The following FER1L6 variants were observed in gnomAD, a reference collection of about 807,000 sequenced individuals.
The protein encoded by FER1L6 is fer-1-like protein 6.
Under a neutral mutation model 219.2 loss-of-function variants are expected in FER1L6, and 177 were observed. The observed-to-expected ratio is 0.81, with a 90% CI of 0.71 to 0.91. The LOEUF (loss-of-function observed/expected upper bound fraction) is 0.91. Ranked by LOEUF, FER1L6 falls within the 40% of genes least tolerant of loss-of-function variation. The probability of loss-of-function intolerance (pLI) is 0.00; values close to 1 mark genes in which losing one functional copy is unlikely to be tolerated. For synonymous variants in FER1L6, 768 were observed against 824.3 expected (o/e 0.93, Z 1.17); for missense variants, 2,153 against 2,259.9 (o/e 0.95, Z 0.96).
At chr8:124,004,725 G>A (rs759448111) in intron 13 of FER1L6, among the ~76,000 whole-genome samples, 10 of 152,000 alleles carry the variant, frequency 6.6e-5, no homozygotes, top group South Asian at 2.1e-4. Flanking sequence ...TTGGTCAGGC[G>A]AGGTGGCTCA....
intron 33 of FER1L6, among the ~76,000 whole-genome samples, chr8:124,083,633 CTG>C (rs2130918905): frequency 6.6e-6 from 1 of 152,162 alleles, no homozygotes; most frequent in African/African-American, 2.4e-5. Context: ...ATTTATGTGT[CTG>C]TTGTTGTGCC....
At chr8:124,014,697 C>T (rs1818098593) in intron 15 of FER1L6, among the ~76,000 whole-genome samples, 1 of 152,072 alleles carries the variant, frequency 6.6e-6, no homozygotes, top group Admixed American at 6.6e-5. Context: ...AATTTTTATA[C>T]AACATATTGA....
intron 1 of FER1L6, among the ~76,000 whole-genome samples, chr8:123,877,281 C>T (rs1817020377): frequency 6.6e-6 from 1 of 152,170 alleles, no homozygotes; most frequent in South Asian, 2.1e-4. Flanking sequence ...TTTTGTTCAC[C>T]ACCACAGTTT....
chr8:123,871,947 A>T (rs1033254000), intron 1 of FER1L6, among the ~76,000 whole-genome samples: 6 of 152,194 alleles, frequency 3.9e-5, no homozygotes, highest in Non-Finnish European at 5.9e-5. Flanking sequence ...TTGCATTGCT[A>T]TAAAGAAATA....
At chr8:123,898,724 TATATATAGTATATATAC>T (rs1302964728) in intron 1 of FER1L6, among the ~76,000 whole-genome samples, 3 of 144,834 alleles carry the variant, frequency 2.1e-5, no homozygotes, top group Non-Finnish European at 3.0e-5. Flanking sequence ...CGTATATGTG[TATATATAGTATATATAC>T]ATATATACTA....
chr8:123,899,504 C>T (rs1812821000), intron 1 of FER1L6, among the ~76,000 whole-genome samples: 1 of 152,156 alleles, frequency 6.6e-6, no homozygotes, highest in African/African-American at 2.4e-5. Flanking sequence ...CATGCAAAAG[C>T]TCTTTAATTT....
intron 34 of FER1L6, among the ~76,000 whole-genome samples, chr8:124,092,323 G>GTGTT (rs1174259968): frequency 1.3e-5 from 2 of 151,966 alleles, no homozygotes; most frequent in African/African-American, 2.4e-5. Context: ...ATATTTTTGT[G>GTGTT]TGTTTCTGAT....
chr8:124,073,603 A>AT (rs1411840001), intron 31 of FER1L6, among the ~76,000 whole-genome samples: 3 of 152,172 alleles, frequency 2.0e-5, no homozygotes, highest in Admixed American at 6.5e-5. Flanking sequence ...TAGGTTGGCC[A>AT]TTTTTTTCTA....
At position 124,023,222 on chromosome 8, in the gene FER1L6, A is replaced by C. The variant is rs1311020114; in HGVS notation, c.2134-222A>C. On this transcript the variant is annotated intron_variant, in intron 17 of 40. Transcript: ENST00000522917. The stretch of plus-strand genomic sequence containing the variant: ...GAGCCACTGCCGCCCAGCTGTATGC[A>C]CTTTTAACTCATGACCTAAGTAAGG... Among the ~76,000 whole-genome samples the C allele has an allele frequency of 2.6e-5, 4 of 152,160 alleles. No individual in the cohort carries two copies. In the East Asian group the frequency reaches 7.7e-4, roughly 29 times the overall value.
At chr8:124,040,878 C>G (rs573499543) in intron 20 of FER1L6, 2 of 152,308 alleles carry the variant, frequency 1.3e-5, no homozygotes, top group South Asian at 4.1e-4. Flanking sequence ...TCTTAAAGGT[C>G]CCGCCTCTCA....
intron 20 of FER1L6, 137 bp downstream of exon 20, chr8:124,040,143 G>T: frequency 8.9e-7 from 1 of 1,128,462 alleles, no homozygotes; most frequent in Non-Finnish European, 1.3e-6. Context: ...AGACTGAAAA[G>T]CGAATATGTG....
At position 124,063,500 on chromosome 8, in the gene FER1L6, A is replaced by G. The variant is rs539912905; in HGVS notation, c.3329-847A>G. 2.0e-5 allele frequency among the ~76,000 whole-genome samples: 3 copies of G among 152,334 alleles called. No homozygotes were observed. The South Asian group carries it at 6.2e-4, about 32-fold the overall frequency. ...GATTCAGCTGCAGTTTTCTCCACAT[A>G]GAGCACCGTTTTCCCCCAAAGGGTC... On this transcript the variant is annotated intron_variant, in intron 25 of 40. Coordinates refer to ENST00000522917, the MANE Select transcript of FER1L6 (RefSeq NM_001039112.2).
At chr8:123,873,191 T>G (rs1816952062) in intron 1 of FER1L6, among the ~76,000 whole-genome samples, 1 of 152,188 alleles carries the variant, frequency 6.6e-6, no homozygotes, top group Non-Finnish European at 1.5e-5. Context: ...CTGACCCCTG[T>G]TGATGTCAGT....
In FER1L6 at chr8:123,952,761, A is replaced by C. The variant is rs571809238; in HGVS notation, c.-7-3231A>C. On this transcript the variant is annotated intron_variant, in intron 1 of 40. Transcript: ENST00000522917. Reference sequence around the variant, plus strand: ...ATCTTCCTCGTGGTATGCTGTGGGGATCCTAGGAGATAATGTGTATAAAAT... The same window carrying C: ...ATCTTCCTCGTGGTATGCTGTGGGGCTCCTAGGAGATAATGTGTATAAAAT... Among the ~76,000 whole-genome samples the C allele has an allele frequency of 9.2e-5, 14 of 152,178 alleles. No homozygotes were observed. In the East Asian group the frequency reaches 2.7e-3, roughly 29 times the overall value.
chr8:123,988,799 A>AT (rs1286276171), intron 12 of FER1L6, among the ~76,000 whole-genome samples: 1 of 152,150 alleles, frequency 6.6e-6, no homozygotes, highest in African/African-American at 2.4e-5. Flanking sequence ...TTCATTTCCT[A>AT]TTTGGATGCC....
chr8:123,908,113 G>T (rs762868009), intron 1 of FER1L6, among the ~76,000 whole-genome samples: 9 of 152,110 alleles, frequency 5.9e-5, no homozygotes, highest in Non-Finnish European at 1.3e-4. Context: ...AACATTAAAA[G>T]GTTATAAGAG....
intron 39 of FER1L6, among the ~76,000 whole-genome samples, chr8:124,114,744 G>A (rs1823163009): frequency 6.6e-6 from 1 of 151,394 alleles, no homozygotes; most frequent in Non-Finnish European, 1.5e-5. Context: ...ATACACACAT[G>A]TAGTTGTATG....
At chr8:123,916,823 T>C (rs979101395) in intron 1 of FER1L6, among the ~76,000 whole-genome samples, 2 of 152,196 alleles carry the variant, frequency 1.3e-5, no homozygotes, top group Non-Finnish European at 2.9e-5. Flanking sequence ...CAGCAATTAA[T>C]GCGTCAATGT....
intron 7 of FER1L6, among the ~76,000 whole-genome samples, chr8:123,974,680 A>AAAAACAAAAAAAAAAAAAAAAAAAAAAT (rs1362934333): frequency 6.7e-6 from 1 of 148,490 alleles, no homozygotes; most frequent in Non-Finnish European, 1.5e-5. Context: ...AAAAAAAAAA[A>AAAAACAAAAAAAAAAAAAAAAAAAAAAT]AAGAAATGTG....
Sources: allele counts gnomAD v4.1 joint callset (sites outside exome capture counted in the v4.1 genomes callset), GRCh38; gene constraint gnomAD v4.1.1; transcripts MANE v1.5; gene names NCBI Gene and HGNC (gene_info 2026-07-23, HGNC 2026-07-21).